Variants in MLLT3 observed in about 807,000 individuals in gnomAD.
MLLT3 encodes the protein MLLT3 super elongation complex subunit.
A neutral mutation model predicts 53.2 loss-of-function variants in MLLT3; 4 were observed. The observed-to-expected ratio is 0.08, with a 90% CI of 0.04 to 0.17. MLLT3 has a LOEUF of 0.17. MLLT3 is among the 10% of genes least tolerant of loss of function. The pLI, the probability that MLLT3 is intolerant of heterozygous loss-of-function variation, is 1.00. For synonymous variants in MLLT3, 283 were observed against 230.6 expected, an observed-to-expected ratio of 1.23 and a Z score of -2.06; for missense variants, 569 against 684.0, an observed-to-expected ratio of 0.83 and a Z score of 1.87.
At chr9:20,615,360 GAAAAAAAAAAAA>G (rs10601830) in intron 2 of MLLT3, among the ~76,000 whole-genome samples, 8 of 48,774 alleles carry the variant, frequency 1.6e-4, no homozygotes, top group Admixed American at 1.1e-3. Context: ...CAGACCATGT[GAAAAAAAAAAAA>G]AAAAAAAAAA....
chr9:20,580,787 A>G (rs2131174052), intron 2 of MLLT3, among the ~76,000 whole-genome samples: 1 of 152,346 alleles, frequency 6.6e-6, no homozygotes, highest in African/African-American at 2.4e-5. Context: ...ACTGTATTAG[A>G]CGTAGCATTC....
chr9:20,346,403 A>G lies in MLLT3; in HGVS notation c.*40T>C. 6.8e-7 allele frequency: 1 copy of G among 1,462,436 alleles called. No homozygotes were observed. The highest frequency in any genetic ancestry group is 9.1e-7 in the Non-Finnish European group (1 of 1,104,394). The allele number at this position is 1,462,436 out of a possible 1,614,324, so 90.6% of individuals were successfully genotyped here. The stretch of plus-strand genomic sequence containing the variant: ...CCAAAAAAAAAAAAAACCAAAAAAA[A>G]AAAACACAATAGTTCTTGATGCATC... On this transcript the variant is annotated 3_prime_UTR_variant, in exon 11 of 11. Coordinates refer to ENST00000380338, the MANE Select transcript of MLLT3 (RefSeq NM_004529.4).
intron 2 of MLLT3, among the ~76,000 whole-genome samples, chr9:20,508,769 T>C (rs1263323292): frequency 2.0e-5 from 3 of 152,164 alleles, no homozygotes; most frequent in Non-Finnish European, 4.4e-5. Context: ...TAAGTATCTA[T>C]AAACCCCATA....
intron 5 of MLLT3, among the ~76,000 whole-genome samples, chr9:20,369,280 A>C (rs1451868354): frequency 6.6e-6 from 1 of 152,160 alleles, no homozygotes; most frequent in African/African-American, 2.4e-5. Context: ...CATTTTTATA[A>C]AAAGCTCACA....
intron 6 of MLLT3, 75 bp from the exon 7 acceptor site, chr9:20,363,680 T>C: frequency 6.8e-7 from 1 of 1,462,582 alleles, no homozygotes; most frequent in Non-Finnish European, 9.4e-7. Flanking sequence ...AACAGGGGGA[T>C]GCTTACCAGC....
In MLLT3 at chr9:20,413,922, T is replaced by C; in HGVS notation, c.924A>G (p.Lys308=). 6.2e-7 allele frequency: 1 copy of C among 1,613,478 alleles called. No homozygotes were observed. Reference sequence around the variant, plus strand: ...TCAGTGGTGGTGCGCTAGAAAAACTTTTAAATAAAGCCTCTGAGCTACTCT... The same window carrying C: ...TCAGTGGTGGTGCGCTAGAAAAACTCTTAAATAAAGCCTCTGAGCTACTCT... ...RKKSSSEALF[K]SFSSAPPLIL... The change falls in exon 5 of 11, where the codon AAA becomes AAG. Residue 308 remains lysine (K), a synonymous_variant. Transcript: ENST00000380338.
Position 20,343,278 on chromosome 9 carries a change from T to C in MLLT3, c.*3165A>G, listed in dbSNP as rs1820786106. On this transcript the variant is annotated 3_prime_UTR_variant, in exon 11 of 11. Transcript: ENST00000380338. ...CTGGCTCTTTCCACCAAAAGGTGAA[T>C]ATTCAGATTAGAGAGATTTAAATTG... The C allele has an allele frequency of 5.4e-6, 1 of 183,652 alleles. No homozygotes were observed. Among genetic ancestry groups the C allele is most frequent in the Admixed American group, 6.8e-5 (1 of 14,740 alleles). The allele number at this position is 183,652 out of a possible 1,614,324, so 11.4% of individuals were successfully genotyped here.
intron 2 of MLLT3, among the ~76,000 whole-genome samples, chr9:20,559,710 ACT>A: frequency 6.6e-6 from 1 of 152,020 alleles, no homozygotes; most frequent in Non-Finnish European, 1.5e-5. Flanking sequence ...AGGATAAATT[ACT>A]CTGTGCTGTC....
chr9:20,441,086 T>C (rs551459840), intron 4 of MLLT3, among the ~76,000 whole-genome samples: 3 of 152,178 alleles, frequency 2.0e-5, no homozygotes, highest in African/African-American at 7.2e-5. Flanking sequence ...CTCCTCTGTT[T>C]TTCTTTCAGT....
intron 10 of MLLT3, among the ~76,000 whole-genome samples, chr9:20,353,048 T>C (rs1041959050): frequency 2.0e-5 from 3 of 152,164 alleles, no homozygotes; most frequent in East Asian, 1.9e-4. Context: ...AATAATAGAA[T>C]GTATGTCATA....
chr9:20,381,696 G>C (rs1049524124), intron 5 of MLLT3, among the ~76,000 whole-genome samples: 2 of 151,784 alleles, frequency 1.3e-5, no homozygotes, highest in African/African-American at 4.8e-5. Flanking sequence ...AAATACCCTA[G>C]TGGTTAGATA....
rs10601830 is a variant in MLLT3 at position 20,615,360 on chromosome 9, G to GAAAA, written c.193+5290_193+5293dup. On this transcript the variant is annotated intron_variant, in intron 2 of 10. Coordinates refer to ENST00000380338, the MANE Select transcript of MLLT3 (RefSeq NM_004529.4). Reference sequence around the variant, plus strand: ...CCTGGGTGACAGGGCCAGACCATGTGAAAAAAAAAAAAAAAAAAAAAAAAA... The same window carrying GAAAA: ...CCTGGGTGACAGGGCCAGACCATGTGAAAAAAAAAAAAAAAAAAAAAAAAAAAAA... Among the ~76,000 whole-genome samples the GAAAA allele has an allele frequency of 2.7e-4, 13 of 48,774 alleles. 1 individual carries two copies. The highest frequency in any genetic ancestry group is 4.9e-4 in the African/African-American group (7 of 14,216). 32.0% of individuals were successfully genotyped at this position (48,774 alleles called of 152,430 possible). A position where few individuals can be genotyped will look rare whatever the true frequency, so the allele number is the denominator to read the frequency against.
rs1821017115 is a variant in MLLT3, at chr9:20,621,733, G to A, written c.12+512C>T. 3.4e-6 allele frequency: 5 copies of A among 1,487,500 alleles called. No individual in the cohort carries two copies. Among genetic ancestry groups the A allele is most frequent in the Non-Finnish European group, 4.4e-6 (5 of 1,123,982 alleles). 92.1% of individuals were successfully genotyped at this position (1,487,500 alleles called of 1,614,324 possible). ...GTGCGGCCCCGCCGCTGTCAGCCCC[G>A]CACACTTCGGCTCACACACGCGCGC... On this transcript the variant is annotated intron_variant, in intron 1 of 10. Transcript: ENST00000380338. The surrounding 1 kb of genome is among the most constrained non-coding windows in gnomAD (Gnocchi z 7.0).
chr9:20,620,293 A>ACACACACACACGCGCGCG lies in MLLT3; in HGVS notation c.193+360_193+361insCGCGCGCGTGTGTGTGTG, dbSNP rs1176274864. On this transcript the variant is annotated intron_variant, in intron 2 of 10. Coordinates refer to ENST00000380338, the MANE Select transcript of MLLT3 (RefSeq NM_004529.4). The surrounding 1 kb of genome is among the most constrained non-coding windows in gnomAD (Gnocchi z 6.1). ...CACACACACACACACACACACACAC[A>ACACACACACACGCGCGCG]CGCGCAAAGTGTTTATTCCCTCCAG... 4.8e-5 allele frequency among the ~76,000 whole-genome samples: 7 copies of ACACACACACACGCGCGCG among 145,962 alleles called. No individual in the cohort carries two copies. Among genetic ancestry groups the ACACACACACACGCGCGCG allele is most frequent in the Admixed American group, 2.0e-4 (3 of 14,662 alleles).
intron 2 of MLLT3, among the ~76,000 whole-genome samples, chr9:20,519,132 GC>G (rs1817990849): frequency 6.6e-6 from 1 of 152,026 alleles, no homozygotes; most frequent in African/African-American, 2.4e-5. Flanking sequence ...ATAAATATTT[GC>G]TAAATACAAT....
intron 2 of MLLT3, among the ~76,000 whole-genome samples, chr9:20,509,868 TATTA>T (rs775103554): frequency 6.8e-6 from 1 of 147,410 alleles, no homozygotes; most frequent in African/African-American, 2.5e-5. Flanking sequence ...AGGGTACAAT[TATTA>T]TTTTTTTTTT....
chr9:20,546,630 C>A (rs73432587), intron 2 of MLLT3, among the ~76,000 whole-genome samples: 6,181 of 152,048 alleles, frequency 0.041, 417 homozygotes, highest in African/African-American at 0.14. Flanking sequence ...AGCATACCTG[C>A]GAATGACCCT....
intron 2 of MLLT3, among the ~76,000 whole-genome samples, chr9:20,482,635 GGT>G (rs781032171): frequency 5.3e-5 from 8 of 152,112 alleles, no homozygotes; most frequent in Non-Finnish European, 8.8e-5. Flanking sequence ...CCAGCCAGGA[GGT>G]TTAATAATAG....
chr9:20,417,157 A>G (rs1633700), intron 4 of MLLT3, among the ~76,000 whole-genome samples: 1 of 146,268 alleles, frequency 6.8e-6, no homozygotes. Flanking sequence ...AAAAGCTTTC[A>G]CTGATTTTCA....
Sources: gnomAD v4.1 joint callset for allele counts (sites outside exome capture counted in the v4.1 genomes callset) on GRCh38, gnomAD v4.1.1 for gene constraint, Gnocchi (gnomAD v3.1) non-coding constraint, MANE v1.5 for transcripts, NCBI Gene and HGNC (gene_info 2026-07-23, HGNC 2026-07-21) for gene names.